NKAIN3: variants seen among roughly 807,000 people sequenced by gnomAD.
NKAIN3 encodes sodium/potassium transporting ATPase interacting 3.
Under a neutral mutation model 30.2 loss-of-function variants are expected in NKAIN3, and 25 were observed. The ratio of observed to expected loss-of-function variants is 0.83; its 90% confidence interval spans 0.60 to 1.16. The LOEUF (loss-of-function observed/expected upper bound fraction) is 1.16. Among genes scored for constraint, NKAIN3 ranks in the 50% most tolerant of loss-of-function variants. NKAIN3 has a pLI of 0.00. For missense variants in NKAIN3, 225 were observed against 254.1 expected, an observed-to-expected ratio of 0.89 and a Z score of 0.78; for synonymous variants, 91 against 89.6, an observed-to-expected ratio of 1.02 and a Z score of -0.09.
chr8:62,666,161 C>T (rs1394456234), intron 3 of NKAIN3, among the ~76,000 whole-genome samples: 3 of 151,978 alleles, frequency 2.0e-5, no homozygotes, highest in African/African-American at 7.2e-5. Context: ...TGAAGTGAGC[C>T]GAGATCACGC....
chr8:62,720,662 T>C (rs1478329347), intron 3 of NKAIN3, among the ~76,000 whole-genome samples: 1 of 152,188 alleles, frequency 6.6e-6, no homozygotes, highest in East Asian at 1.9e-4. Context: ...TTCTATAGCA[T>C]ATTCTCCAAA....
chr8:62,409,258 C>T (rs1336249303), intron 1 of NKAIN3, among the ~76,000 whole-genome samples: 2 of 152,134 alleles, frequency 1.3e-5, no homozygotes, highest in African/African-American at 4.8e-5. Context: ...AATCTCAGCT[C>T]ACTGCAACAT....
At chr8:62,367,340 A>T (rs1816767075) in intron 1 of NKAIN3, among the ~76,000 whole-genome samples, 1 of 152,196 alleles carries the variant, frequency 6.6e-6, no homozygotes. Flanking sequence ...AGCAAACCAA[A>T]TTCAAAAGCA....
intron 1 of NKAIN3, among the ~76,000 whole-genome samples, chr8:62,456,857 G>T (rs951045606): frequency 6.6e-6 from 1 of 152,234 alleles, no homozygotes; most frequent in Admixed American, 6.5e-5. Context: ...GCCTTCGTTA[G>T]AACGATTCCT....
At chr8:62,697,596 C>A (rs533790410) in intron 3 of NKAIN3, among the ~76,000 whole-genome samples, 4 of 152,214 alleles carry the variant, frequency 2.6e-5, no homozygotes, top group South Asian at 4.2e-4. Flanking sequence ...TTTCTCCCCT[C>A]CCCCCAACAT....
chr8:62,718,750 A>G (rs1406584086), intron 3 of NKAIN3, among the ~76,000 whole-genome samples: 1 of 151,598 alleles, frequency 6.6e-6, no homozygotes, highest in Non-Finnish European at 1.5e-5. Context: ...TTTTTTTTAT[A>G]ATGTACTTCC....
intron 4 of NKAIN3, among the ~76,000 whole-genome samples, chr8:62,752,429 A>G (rs1302749744): frequency 6.6e-6 from 1 of 152,204 alleles, no homozygotes; most frequent in Non-Finnish European, 1.5e-5. Flanking sequence ...GCATGAGAAC[A>G]TAATTCCTGT....
chr8:62,353,468 C>A (rs1816245483), intron 1 of NKAIN3, among the ~76,000 whole-genome samples: 1 of 152,138 alleles, frequency 6.6e-6, no homozygotes, highest in African/African-American at 2.4e-5. Context: ...TTTATTCATT[C>A]ATTATTCATC....
intron 4 of NKAIN3, among the ~76,000 whole-genome samples, chr8:62,865,825 T>C (rs1399164851): frequency 6.6e-6 from 1 of 152,206 alleles, no homozygotes; most frequent in African/African-American, 2.4e-5. Flanking sequence ...CCATTAAACA[T>C]GGGAGGGGGG....
chr8:62,251,847 C>T (rs1812115320), intron 1 of NKAIN3, among the ~76,000 whole-genome samples: 1 of 152,154 alleles, frequency 6.6e-6, no homozygotes, highest in African/African-American at 2.4e-5. Context: ...CCGTCATATA[C>T]ATAAGATAGG....
At position 62,672,322 on chromosome 8, in the gene NKAIN3, A is replaced by G. The variant is rs1175113608; in HGVS notation, c.274-74610A>G. ...ATTGTGGCTTGTCCCTGAATGTCTC[A>G]GAATGTTGGCCTCATGAGTGCCCTA... On this transcript the variant is annotated intron_variant, in intron 3 of 6. Coordinates refer to ENST00000623646, the MANE Select transcript of NKAIN3 (RefSeq NM_001304533.3). Among the ~76,000 whole-genome samples the G allele has an allele frequency of 4.6e-5, 7 of 152,328 alleles. No homozygotes were observed. In the South Asian group the frequency reaches 1.4e-3, roughly 32 times the overall value.
chr8:62,568,713 T>C (rs1809831029), intron 1 of NKAIN3, among the ~76,000 whole-genome samples: 1 of 152,198 alleles, frequency 6.6e-6, no homozygotes, highest in African/African-American at 2.4e-5. Context: ...GTAGCTGTTT[T>C]CTGAGATCCC....
rs1563942731 is a variant in NKAIN3, at chr8:62,345,492, C to CACATATATACACATATATGTATATAT, written c.54+96368_54+96369insTATATACACATATATGTATATATACA. Among the ~76,000 whole-genome samples, 8 of 7,718 alleles carry CACATATATACACATATATGTATATAT rather than the reference C, an allele frequency of 1.0e-3. 1 individual carries two copies. Among genetic ancestry groups the CACATATATACACATATATGTATATAT allele is most frequent in the Non-Finnish European group, 1.7e-3 (4 of 2,308 alleles). 5.1% of individuals were successfully genotyped at this position (7,718 alleles called of 152,430 possible). A position where few individuals can be genotyped will look rare whatever the true frequency, so the allele number is the denominator to read the frequency against. Reference sequence around the variant, plus strand: ...ATATATACACATATATGTATATATACACACATATATACACATATATACACA... The same window carrying CACATATATACACATATATGTATATAT: ...ATATATACACATATATGTATATATACACATATATACACATATATGTATATATACACATATATACACATATATACACA... On this transcript the variant is annotated intron_variant, in intron 1 of 6. Coordinates refer to ENST00000623646, the MANE Select transcript of NKAIN3 (RefSeq NM_001304533.3).
At chr8:62,345,702 G>T (rs941718539) in intron 1 of NKAIN3, among the ~76,000 whole-genome samples, 27 of 150,688 alleles carry the variant, frequency 1.8e-4, no homozygotes, top group African/African-American at 6.6e-4. Flanking sequence ...ATATAATCAG[G>T]TCATCTGCAA....
intron 3 of NKAIN3, among the ~76,000 whole-genome samples, chr8:62,668,767 T>TA (rs1487575730): frequency 3.3e-5 from 5 of 152,178 alleles, no homozygotes; most frequent in African/African-American, 9.7e-5. Context: ...TTCCTTAATT[T>TA]AAAAAATATT....
chr8:62,868,341 C>CTT (rs35914769), intron 4 of NKAIN3, among the ~76,000 whole-genome samples: 37,232 of 146,102 alleles, frequency 0.25, 4,813 homozygotes, highest in African/African-American at 0.3. Context: ...AGTTCATTTC[C>CTT]TTTTTTTTTT....
intron 6 of NKAIN3, among the ~76,000 whole-genome samples, chr8:62,957,350 G>A (rs565912977): frequency 6.6e-6 from 1 of 152,172 alleles, no homozygotes; most frequent in Non-Finnish European, 1.5e-5. Context: ...TAGCCAGGTT[G>A]GTCTCGATCT....
intron 4 of NKAIN3, among the ~76,000 whole-genome samples, chr8:62,765,318 A>G (rs1187187848): frequency 6.6e-6 from 1 of 152,074 alleles, no homozygotes; most frequent in Non-Finnish European, 1.5e-5. Context: ...ACTGGATGAA[A>G]AACAAATACG....
At chr8:62,407,132 G>A (rs181871725) in intron 1 of NKAIN3, among the ~76,000 whole-genome samples, 1 of 151,534 alleles carries the variant, frequency 6.6e-6, no homozygotes. Flanking sequence ...ATGCTTACTG[G>A]AGAAAAAAGA....
Sources: gnomAD v4.1 joint callset for allele counts (sites outside exome capture counted in the v4.1 genomes callset) on GRCh38, gnomAD v4.1.1 for gene constraint, MANE v1.5 for transcripts, NCBI Gene and HGNC (gene_info 2026-07-23, HGNC 2026-07-21) for gene names.